RALYL: variants seen among roughly 807,000 people sequenced by gnomAD.
RALYL encodes the protein RNA-binding Raly-like protein.
Under a neutral mutation model 35.1 loss-of-function variants are expected in RALYL, and 29 were observed. The ratio of observed to expected loss-of-function variants is 0.83; its 90% CI spans 0.61 to 1.13. The LOEUF is 1.13. Ranked by LOEUF, RALYL falls within the 50% of genes most tolerant of loss-of-function variation. The pLI, the probability that RALYL is intolerant of heterozygous loss-of-function variation, is 0.00. For synonymous variants in RALYL, 120 were observed against 127.6 expected (o/e 0.94, Z 0.40); for missense variants, 359 against 360.4 (o/e 1.00, Z 0.03).
intron 2 of RALYL, among the ~76,000 whole-genome samples, chr8:84,711,295 T>C (rs1251445882): frequency 6.6e-6 from 1 of 152,184 alleles, no homozygotes; most frequent in African/African-American, 2.4e-5. Flanking sequence ...ATAATATGTA[T>C]ATACTAACTT....
At chr8:84,830,149 T>C (rs1016789586) in intron 4 of RALYL, among the ~76,000 whole-genome samples, 15 of 151,978 alleles carry the variant, frequency 9.9e-5, no homozygotes, top group African/African-American at 3.6e-4. Context: ...CAGTGTCACC[T>C]CATTGGACCT....
chr8:84,714,952 A>AGGTTAAACTTCCTAC (rs1345333996), intron 2 of RALYL, among the ~76,000 whole-genome samples: 1 of 151,780 alleles, frequency 6.6e-6, no homozygotes, highest in Non-Finnish European at 1.5e-5. Context: ...AGGATATATA[A>AGGTTAAACTTCCTAC]GGTTAAACTT....
At chr8:84,664,114 T>C (rs996262992) in intron 2 of RALYL, among the ~76,000 whole-genome samples, 4 of 152,098 alleles carry the variant, frequency 2.6e-5, no homozygotes, top group African/African-American at 9.7e-5. Context: ...TTGTCAAAGA[T>C]CAGATGGTTG....
In RALYL at chr8:84,637,336, G is replaced by A. The variant is rs533964414; in HGVS notation, c.256+107759G>A. Reference sequence around the variant, plus strand: ...GAAACTATTGCAGTTGTTCATAGTAGAGGAAGTAGTAGTAGTAGTAGTAAT... The same window carrying A: ...GAAACTATTGCAGTTGTTCATAGTAAAGGAAGTAGTAGTAGTAGTAGTAAT... On this transcript the variant is annotated intron_variant, in intron 2 of 8. Transcript: ENST00000521268. Among the ~76,000 whole-genome samples, 34 of 151,982 alleles carry A rather than the reference G, an allele frequency of 2.2e-4. 1 individual carries two copies. The South Asian group carries it at 7.0e-3, about 31-fold the overall frequency.
At chr8:84,563,642 C>T (rs1163469742) in intron 2 of RALYL, among the ~76,000 whole-genome samples, 1 of 151,398 alleles carries the variant, frequency 6.6e-6, no homozygotes, top group Non-Finnish European at 1.5e-5. Flanking sequence ...TTTTTATGTG[C>T]AGGAAATTGC....
At chr8:84,596,886 A>G (rs934956208) in intron 2 of RALYL, among the ~76,000 whole-genome samples, 3 of 152,136 alleles carry the variant, frequency 2.0e-5, no homozygotes, top group African/African-American at 7.2e-5. Flanking sequence ...CAAATATGAC[A>G]AATCTTACTG....
intron 1 of RALYL, among the ~76,000 whole-genome samples, chr8:84,381,246 G>T (rs1247082947): frequency 6.6e-6 from 1 of 151,762 alleles, no homozygotes; most frequent in African/African-American, 2.4e-5. Flanking sequence ...TAAATTCTAC[G>T]ATTTTAAAGT....
intron 1 of RALYL, among the ~76,000 whole-genome samples, chr8:84,244,043 T>G (rs1425214877): frequency 6.6e-6 from 1 of 152,176 alleles, no homozygotes; most frequent in African/African-American, 2.4e-5. Flanking sequence ...ATTATTTTTT[T>G]TCTTTACTAC....
chr8:84,605,915 G>GGA (rs1192991966), intron 2 of RALYL, among the ~76,000 whole-genome samples: 2 of 152,092 alleles, frequency 1.3e-5, no homozygotes, highest in Admixed American at 1.3e-4. Context: ...GTTAAACCTA[G>GGA]GAGAGCCAGG....
intron 2 of RALYL, among the ~76,000 whole-genome samples, chr8:84,588,735 A>G (rs1047598924): frequency 5.3e-5 from 8 of 152,240 alleles, no homozygotes; most frequent in African/African-American, 1.9e-4. Context: ...ATTCCCTCCC[A>G]CTGGGAGTAC....
chr8:84,732,683 T>TATATATATATATACAC, intron 2 of RALYL, among the ~76,000 whole-genome samples: 11 of 133,230 alleles, frequency 8.3e-5, no homozygotes, highest in African/African-American at 2.4e-4. Context: ...TATATATATA[T>TATATATATATATACAC]ACACACACAC....
intron 8 of RALYL, among the ~76,000 whole-genome samples, chr8:84,904,718 A>G (rs145265410): frequency 1.1e-4 from 16 of 152,176 alleles, no homozygotes; most frequent in Non-Finnish European, 2.1e-4. Context: ...TAAAGACTCT[A>G]CAAATTGCAT....
intron 1 of RALYL, among the ~76,000 whole-genome samples, chr8:84,281,552 C>A (rs1836561152): frequency 6.6e-6 from 1 of 151,836 alleles, no homozygotes; most frequent in South Asian, 2.1e-4. Flanking sequence ...ACCCTCCTTT[C>A]CAGAATTATC....
chr8:84,763,641 T>C (rs1305978278), intron 2 of RALYL, among the ~76,000 whole-genome samples: 1 of 152,204 alleles, frequency 6.6e-6, no homozygotes, highest in African/African-American at 2.4e-5. Context: ...GCTTTATCTC[T>C]TGATAAAATA....
At chr8:84,766,777 A>AT (rs1257443097) in intron 2 of RALYL, among the ~76,000 whole-genome samples, 2 of 149,184 alleles carry the variant, frequency 1.3e-5, no homozygotes, top group African/African-American at 4.9e-5. Flanking sequence ...GATAAACACC[A>AT]TTTTATAAAA....
intron 2 of RALYL, among the ~76,000 whole-genome samples, chr8:84,742,694 G>A (rs560525601): frequency 1.3e-5 from 2 of 152,058 alleles, no homozygotes; most frequent in South Asian, 4.2e-4. Flanking sequence ...GCAAAGAAAC[G>A]GAGGTATAAT....
intron 5 of RALYL, among the ~76,000 whole-genome samples, chr8:84,852,947 A>G (rs540223197): frequency 7.9e-5 from 12 of 152,300 alleles, no homozygotes; most frequent in African/African-American, 2.9e-4. Context: ...GCTCTACTAC[A>G]AGGGTTTGTG....
intron 1 of RALYL, among the ~76,000 whole-genome samples, chr8:84,277,852 CT>C (rs938800323): frequency 6.6e-6 from 1 of 152,234 alleles, no homozygotes; most frequent in African/African-American, 2.4e-5. Flanking sequence ...AGCTCCACCC[CT>C]GTGGCCTTGC....
chr8:84,639,684 A>G (rs541358009), intron 2 of RALYL, among the ~76,000 whole-genome samples: 2 of 152,046 alleles, frequency 1.3e-5, no homozygotes, highest in South Asian at 2.1e-4. Context: ...TCCCATATCA[A>G]TGCTGAGGTG....
Sources: allele counts gnomAD v4.1 joint callset (sites outside exome capture counted in the v4.1 genomes callset), GRCh38; gene constraint gnomAD v4.1.1; transcripts MANE v1.5; gene names NCBI Gene and HGNC (gene_info 2026-07-23, HGNC 2026-07-21).